The following OSBPL10 variants were observed in gnomAD, a reference collection of about 807,000 sequenced individuals.
OSBPL10 encodes the protein oxysterol-binding protein-related protein 10.
Under a neutral mutation model 81.7 loss-of-function variants are expected in OSBPL10, and 49 were observed. The ratio of observed to expected loss-of-function variants is 0.60; its 90% confidence interval spans 0.48 to 0.76. OSBPL10 has a LOEUF of 0.76. Among genes scored for constraint, OSBPL10 ranks in the 30% least tolerant of loss-of-function variants. The pLI is 0.00. For missense variants in OSBPL10, 923 were observed against 987.8 expected (o/e 0.93, Z 0.88); for synonymous variants, 419 against 383.6 (o/e 1.09, Z -1.08).
intron 1 of OSBPL10, among the ~76,000 whole-genome samples, chr3:31,925,033 C>T (rs1199875548): frequency 1.3e-5 from 2 of 152,124 alleles, no homozygotes; most frequent in African/African-American, 4.8e-5. Flanking sequence ...CACAAAGAAA[C>T]TCAGTTGAAA....
intron 3 of OSBPL10, among the ~76,000 whole-genome samples, chr3:31,833,770 A>C (rs1477240479): frequency 6.6e-6 from 1 of 151,888 alleles, no homozygotes; most frequent in Non-Finnish European, 1.5e-5. Context: ...AGTAGAAATG[A>C]GGACTCTTCA....
At chr3:31,903,539 C>A (rs1223978929) in intron 1 of OSBPL10, among the ~76,000 whole-genome samples, 1 of 152,094 alleles carries the variant, frequency 6.6e-6, no homozygotes. Flanking sequence ...CTATGTTACC[C>A]AGGCTGGTCT....
intron 6 of OSBPL10, among the ~76,000 whole-genome samples, chr3:31,723,572 C>CACACACACA (rs753039730): frequency 0.028 from 4,035 of 146,660 alleles, 171 homozygotes; most frequent in African/African-American, 0.099. Flanking sequence ...ACACACACAC[C>CACACACACA]CCTTTCCCTC....
chr3:31,832,835 T>C (rs770850712), intron 3 of OSBPL10, among the ~76,000 whole-genome samples: 1 of 152,196 alleles, frequency 6.6e-6, no homozygotes, highest in Non-Finnish European at 1.5e-5. Context: ...CTGGATACCC[T>C]AGGTAGTCTT....
chr3:31,912,013 A>G (rs1212219448), intron 1 of OSBPL10, among the ~76,000 whole-genome samples: 2 of 152,152 alleles, frequency 1.3e-5, no homozygotes, highest in Non-Finnish European at 2.9e-5. Flanking sequence ...GAATGTACTT[A>G]ATGCCACGGT....
intron 2 of OSBPL10, among the ~76,000 whole-genome samples, chr3:32,026,069 AGATAG>A (rs1559551476): frequency 5.9e-5 from 6 of 101,376 alleles, no homozygotes; most frequent in African/African-American, 1.8e-4. Flanking sequence ...ATAGATAGAT[AGATAG>A]ATAGATAGAT....
At chr3:31,825,957 C>T (rs1465833471) in intron 4 of OSBPL10, among the ~76,000 whole-genome samples, 2 of 151,966 alleles carry the variant, frequency 1.3e-5, no homozygotes, top group African/African-American at 2.4e-5. Flanking sequence ...GTAATAATAC[C>T]GACATGACTC....
intron 3 of OSBPL10, among the ~76,000 whole-genome samples, chr3:31,855,246 T>G (rs568379240): frequency 2.0e-5 from 3 of 152,284 alleles, no homozygotes; most frequent in Non-Finnish European, 4.4e-5. Flanking sequence ...GGTCTCAAAC[T>G]CCTGGGCTAA....
At chr3:31,980,138 G>A (rs1200137084) in intron 1 of OSBPL10, among the ~76,000 whole-genome samples, 1 of 151,906 alleles carries the variant, frequency 6.6e-6, no homozygotes, top group African/African-American at 2.4e-5. Flanking sequence ...CGGAGTAGCT[G>A]GAATTACAGG....
chr3:31,969,239 C>CT (rs927133056), intron 1 of OSBPL10, among the ~76,000 whole-genome samples: 2 of 152,206 alleles, frequency 1.3e-5, no homozygotes, highest in Admixed American at 1.3e-4. Flanking sequence ...ATCAAGACAT[C>CT]TGTCAGCACT....
At chr3:32,051,158 C>T (rs530203979) in intron 1 of OSBPL10, among the ~76,000 whole-genome samples, 31 of 152,080 alleles carry the variant, frequency 2.0e-4, no homozygotes, top group Non-Finnish European at 3.5e-4. Context: ...TCTTGATGCA[C>T]ACATGAGAGG....
At chr3:31,991,979 C>G (rs185331767) in intron 2 of OSBPL10, among the ~76,000 whole-genome samples, 2 of 152,022 alleles carry the variant, frequency 1.3e-5, no homozygotes, top group Non-Finnish European at 2.9e-5. Flanking sequence ...AACCCCACCT[C>G]TACAAAAAAT....
At chr3:31,741,781 C>T (rs1204529784) in intron 5 of OSBPL10, among the ~76,000 whole-genome samples, 1 of 152,092 alleles carries the variant, frequency 6.6e-6, no homozygotes, top group Non-Finnish European at 1.5e-5. Context: ...TGGGAGAGAC[C>T]CAGTGGAGTA....
At chr3:31,752,449 G>A (rs923249428) in intron 4 of OSBPL10, among the ~76,000 whole-genome samples, 1 of 152,176 alleles carries the variant, frequency 6.6e-6, no homozygotes. Flanking sequence ...CTCTGAGGTT[G>A]TAAAAGAGAT....
chr3:31,812,847 C>A (rs62244855), intron 4 of OSBPL10, among the ~76,000 whole-genome samples: 3,139 of 128,186 alleles, frequency 0.024, 118 homozygotes, highest in East Asian at 0.16. Context: ...AAAGAAAGAA[C>A]GAACTTCTCC....
chr3:31,858,255 C>A (rs1279327290), intron 3 of OSBPL10, among the ~76,000 whole-genome samples: 1 of 152,136 alleles, frequency 6.6e-6, no homozygotes, highest in Non-Finnish European at 1.5e-5. Flanking sequence ...CCCATGTCAG[C>A]CTTCCAAAGT....
intron 7 of OSBPL10, among the ~76,000 whole-genome samples, chr3:31,694,824 G>A (rs1480754337): frequency 5.3e-5 from 8 of 152,050 alleles, no homozygotes; most frequent in Admixed American, 1.3e-4. Context: ...GCACAATCTC[G>A]GCTCACTGCA....
At chr3:31,946,364 T>C (rs1474549032) in intron 1 of OSBPL10, among the ~76,000 whole-genome samples, 7 of 151,152 alleles carry the variant, frequency 4.6e-5, no homozygotes, top group East Asian at 1.9e-4. Flanking sequence ...CAATTAAGAA[T>C]TTAAGAAAAA....
intron 1 of OSBPL10, among the ~76,000 whole-genome samples, chr3:31,883,439 C>T (rs11707415): frequency 0.11 from 16,552 of 151,878 alleles, 1,096 homozygotes; most frequent in Admixed American, 0.21. Flanking sequence ...GGGGTTTCCC[C>T]ATGTTGGCCA....
Sources: allele counts gnomAD v4.1 joint callset (sites outside exome capture counted in the v4.1 genomes callset), GRCh38; gene constraint gnomAD v4.1.1; transcripts MANE v1.5; gene names NCBI Gene and HGNC (gene_info 2026-07-23, HGNC 2026-07-21).